Variants in PPP3CA observed in about 807,000 individuals in gnomAD.
PPP3CA encodes protein phosphatase 3 catalytic subunit alpha.
Under a neutral mutation model 66.5 loss-of-function variants are expected in PPP3CA, and 14 were observed. That is an observed-to-expected ratio of 0.21 (90% CI 0.14 to 0.33). The LOEUF (loss-of-function observed/expected upper bound fraction) is 0.33. Among genes scored for constraint, PPP3CA ranks in the 10% least tolerant of loss-of-function variants. PPP3CA has a pLI of 1.00. For synonymous variants in PPP3CA, 232 were observed against 226.2 expected, an observed-to-expected ratio of 1.03 and a Z score of -0.23; for missense variants, 317 against 639.5, an observed-to-expected ratio of 0.50 and a Z score of 5.44.
chr4:101,104,887 G>C (rs1268806347), intron 3 of PPP3CA, among the ~76,000 whole-genome samples: 1 of 152,024 alleles, frequency 6.6e-6, no homozygotes, highest in Non-Finnish European at 1.5e-5. Context: ...GCAAGTCCCT[G>C]GGTTGTAGTC....
intron 1 of PPP3CA, among the ~76,000 whole-genome samples, chr4:101,278,136 A>AAAAAAAT (rs1553937788): frequency 4.8e-5 from 7 of 145,916 alleles, no homozygotes; most frequent in African/African-American, 1.6e-4. Context: ...AAAAAAAAAA[A>AAAAAAAT]AAATAAAAAA....
At chr4:101,290,480 TA>T (rs1312261982) in intron 1 of PPP3CA, among the ~76,000 whole-genome samples, 2 of 152,230 alleles carry the variant, frequency 1.3e-5, no homozygotes, top group African/African-American at 4.8e-5. Flanking sequence ...GCTTAAATAA[TA>T]TAAATACATG....
At chr4:101,087,349 T>C (rs890770824) in intron 6 of PPP3CA, among the ~76,000 whole-genome samples, 1 of 152,192 alleles carries the variant, frequency 6.6e-6, no homozygotes, top group Middle Eastern at 3.2e-3. Context: ...AAGTAAAACA[T>C]CTATACAGAA....
chr4:101,138,193 C>A (rs1722684047), intron 2 of PPP3CA, among the ~76,000 whole-genome samples: 1 of 152,178 alleles, frequency 6.6e-6, no homozygotes, highest in African/African-American at 2.4e-5. Context: ...ACGTCTGCAG[C>A]CTTGTCTCAT....
At chr4:101,187,092 A>G (rs1265896335) in intron 2 of PPP3CA, among the ~76,000 whole-genome samples, 1 of 152,164 alleles carries the variant, frequency 6.6e-6, no homozygotes, top group Non-Finnish European at 1.5e-5. Flanking sequence ...CAGACACAAA[A>G]TGCTAATTTA....
At chr4:101,194,128 G>A (rs140720438) in intron 2 of PPP3CA, among the ~76,000 whole-genome samples, 68 of 152,208 alleles carry the variant, frequency 4.5e-4, no homozygotes, top group African/African-American at 1.5e-3. Context: ...TTGGGTTAAT[G>A]TTCCTCGAGC....
At chr4:101,075,957 C>A (rs1729170734) in intron 8 of PPP3CA, among the ~76,000 whole-genome samples, 1 of 152,084 alleles carries the variant, frequency 6.6e-6, no homozygotes, top group South Asian at 2.1e-4. Context: ...TAGCATGGAG[C>A]TTGGTATATA....
chr4:101,344,563 T>C (rs1338644788), intron 1 of PPP3CA, among the ~76,000 whole-genome samples: 4 of 152,162 alleles, frequency 2.6e-5, no homozygotes, highest in Admixed American at 6.5e-5. Context: ...ACTATCCACA[T>C]AGTATGTGAA....
intron 2 of PPP3CA, among the ~76,000 whole-genome samples, chr4:101,166,138 T>G (rs1315954486): frequency 6.6e-6 from 1 of 152,122 alleles, no homozygotes; most frequent in African/African-American, 2.4e-5. Context: ...ATTTAGATAA[T>G]GAAGTACTCC....
intron 1 of PPP3CA, among the ~76,000 whole-genome samples, chr4:101,328,361 C>A (rs1238392049): frequency 6.6e-6 from 1 of 152,196 alleles, no homozygotes; most frequent in Non-Finnish European, 1.5e-5. Context: ...ACTAGGCTAA[C>A]CCTAAACATT....
intron 1 of PPP3CA, among the ~76,000 whole-genome samples, chr4:101,335,503 C>T (rs540365584): frequency 6.6e-6 from 1 of 151,946 alleles, no homozygotes; most frequent in Non-Finnish European, 1.5e-5. Flanking sequence ...GAGAGCAATG[C>T]CTTTAGAAAG....
At chr4:101,233,886 G>C (rs1726042550) in intron 1 of PPP3CA, among the ~76,000 whole-genome samples, 1 of 151,570 alleles carries the variant, frequency 6.6e-6, no homozygotes, top group Admixed American at 6.6e-5. Flanking sequence ...ATACCCAATA[G>C]ATATTTTTTT....
intron 1 of PPP3CA, among the ~76,000 whole-genome samples, chr4:101,297,561 T>A (rs1475171133): frequency 6.6e-6 from 1 of 152,180 alleles, no homozygotes; most frequent in African/African-American, 2.4e-5. Context: ...GTACCTGCGA[T>A]GTCAGGAAGA....
At chr4:101,060,758 G>A (rs1441909766) in intron 10 of PPP3CA, among the ~76,000 whole-genome samples, 1 of 151,994 alleles carries the variant, frequency 6.6e-6, no homozygotes, top group African/African-American at 2.4e-5. Flanking sequence ...AAAAATAATT[G>A]TCCAGTAATT....
Position 101,142,864 on chromosome 4 carries a change from A to C in PPP3CA, c.260-33786T>G, listed in dbSNP as rs74629520. ...TCCATCATTTTACAGTATTTTTGCT[A>C]ATATTTAATGATCAGGGAGGCAACA... On this transcript the variant is annotated intron_variant, in intron 2 of 13. Coordinates refer to ENST00000394854, the MANE Select transcript of PPP3CA (RefSeq NM_000944.5). 7.5e-3 allele frequency among the ~76,000 whole-genome samples: 1,138 copies of C among 152,346 alleles called. 20 individuals are homozygous for C. The highest frequency in any genetic ancestry group is 0.027 in the African/African-American group (1,106 of 41,584).
intron 2 of PPP3CA, among the ~76,000 whole-genome samples, chr4:101,137,064 G>A (rs571006425): frequency 2.7e-4 from 41 of 152,182 alleles, no homozygotes; most frequent in Non-Finnish European, 5.9e-4. Flanking sequence ...TTAAAAAAGT[G>A]CACCTTAGAA....
At chr4:101,250,930 T>C (rs1726654975) in intron 1 of PPP3CA, among the ~76,000 whole-genome samples, 2 of 152,124 alleles carry the variant, frequency 1.3e-5, no homozygotes, top group South Asian at 2.1e-4. Flanking sequence ...ACAATCAGTT[T>C]GGTATGATGA....
intron 8 of PPP3CA, among the ~76,000 whole-genome samples, chr4:101,068,256 A>C (rs1218795721): frequency 6.6e-6 from 1 of 152,102 alleles, no homozygotes; most frequent in Non-Finnish European, 1.5e-5. Flanking sequence ...AGCACAAATA[A>C]ATTGCATAAT....
chr4:101,093,713 G>C, intron 6 of PPP3CA, 63 bp downstream of exon 6: 2 of 1,435,572 alleles, frequency 1.4e-6, no homozygotes, highest in South Asian at 1.6e-5. Context: ...TCAAACACAT[G>C]GACTGATAAA....
Sources: gnomAD v4.1 joint callset for allele counts (sites outside exome capture counted in the v4.1 genomes callset) on GRCh38, gnomAD v4.1.1 for gene constraint, MANE v1.5 for transcripts, NCBI Gene and HGNC (gene_info 2026-07-23, HGNC 2026-07-21) for gene names.